The following LRP2 variants were observed in gnomAD, a reference collection of about 807,000 sequenced individuals.
LRP2 encodes the protein LDL receptor related protein 2.
A neutral mutation model predicts 531.0 loss-of-function variants in LRP2; 172 were observed. The observed-to-expected ratio is 0.32, with a 90% CI of 0.29 to 0.37. The LOEUF is 0.37. Among genes scored for constraint, LRP2 ranks in the 10% least tolerant of loss-of-function variants. The pLI is 1.00. For synonymous variants in LRP2, 1,992 were observed against 2,027.6 expected (o/e 0.98, Z 0.47); for missense variants, 5,167 against 5,868.3 (o/e 0.88, Z 3.90).
chr2:169,205,036 CT>C (rs59405840), intron 41 of LRP2, among the ~76,000 whole-genome samples: 324 of 140,944 alleles, frequency 2.3e-3, no homozygotes, highest in East Asian at 4.1e-3. Context: ...AAAGAATTTT[CT>C]TTTTTTTTTT....
chr2:169,235,579 C>G (rs1341021816), intron 29 of LRP2, among the ~76,000 whole-genome samples: 1 of 152,156 alleles, frequency 6.6e-6, no homozygotes, highest in Non-Finnish European at 1.5e-5. Flanking sequence ...AACAGATTCA[C>G]ATCTGCAGCT....
intron 1 of LRP2, among the ~76,000 whole-genome samples, chr2:169,355,703 G>T (rs1685969415): frequency 6.6e-6 from 1 of 152,212 alleles, no homozygotes; most frequent in Non-Finnish European, 1.5e-5. Context: ...CATCAAAGGA[G>T]AACATGTTTA....
chr2:169,226,448 G>C lies in LRP2; in HGVS notation c.5368C>G (p.Gln1790Glu), dbSNP rs1420786262. 6.2e-7 allele frequency: 1 copy of C among 1,613,476 alleles called. No individual in the cohort carries two copies. Among genetic ancestry groups the C allele is most frequent in the East Asian group, 2.2e-5 (1 of 44,860 alleles). The change falls in exon 32 of 79, where the codon CAA becomes GAA. Residue 1790 changes from glutamine to glutamate, a missense_variant. By Grantham distance (29) the Gln-to-Glu change is conservative (BLOSUM62 2). This residue lies in a region of LRP2 where 2,811 missense variants were observed against 3,058.0 expected (regional missense o/e 0.92). Coordinates refer to ENST00000649046, the MANE Select transcript of LRP2 (RefSeq NM_004525.3). Reference protein sequence around the residue: ...GLDVEFDDAEQYIYWVENPGE... With the variant: ...GLDVEFDDAEEYIYWVENPGE... ...GGATTTTCAACCCAATAGATGTATTGCTCAGCATCATCAAATTCAACATCT... is the reference window on the plus strand; with the variant it reads ...GGATTTTCAACCCAATAGATGTATTCCTCAGCATCATCAAATTCAACATCT...
At chr2:169,318,995 G>A (rs1684841551) in intron 2 of LRP2, 111 bp from the exon 3 acceptor site, 1 of 1,368,452 alleles carries the variant, frequency 7.3e-7, no homozygotes, top group South Asian at 1.2e-5. Flanking sequence ...CAATTTATTT[G>A]AAGGCAAATA....
At position 169,128,508 on chromosome 2, in the gene LRP2, A is replaced by C; in HGVS notation, c.*155T>G. 1 of 672,574 alleles carries C rather than the reference A, an allele frequency of 1.5e-6. No homozygotes were observed. 41.7% of individuals were successfully genotyped at this position (672,574 alleles called of 1,614,324 possible). ...ATTTGTAAAAATATGAGACGGCATA[A>C]GTAAAAAAAGACACACAGGATACCT... On this transcript the variant is annotated 3_prime_UTR_variant, in exon 79 of 79. Transcript: ENST00000649046.
chr2:169,209,386 A>C, intron 38 of LRP2, 67 bp downstream of exon 38: 1 of 1,526,326 alleles, frequency 6.6e-7, no homozygotes, highest in Non-Finnish European at 9.1e-7. Flanking sequence ...AGTTAGGCTA[A>C]ACTTTCTAGC....
chr2:169,286,319 C>T (rs1683857108), intron 9 of LRP2, among the ~76,000 whole-genome samples: 1 of 152,154 alleles, frequency 6.6e-6, no homozygotes, highest in South Asian at 2.1e-4. Flanking sequence ...ACTAAAGTCC[C>T]AGAAACGCGC....
intron 1 of LRP2, among the ~76,000 whole-genome samples, chr2:169,356,077 A>G (rs1240006323): frequency 6.6e-6 from 1 of 152,106 alleles, no homozygotes; most frequent in Non-Finnish European, 1.5e-5. Context: ...TTTTTTGTAG[A>G]GATGGAGTCT....
At position 169,173,233 on chromosome 2, in the gene LRP2, G is replaced by A; in HGVS notation, c.11015-9C>T. The A allele has an allele frequency of 6.2e-7, 1 of 1,614,076 alleles. No homozygotes were observed. The highest frequency in any genetic ancestry group is 8.5e-7 in the Non-Finnish European group (1 of 1,180,006). ...GAGATGGGCAGAGCTCACTGAAAAG[G>A]GAGGAGGCATCAAAGTCAGAACTGA... On this transcript the variant is annotated splice_polypyrimidine_tract_variant and intron_variant, in intron 56 of 78. Coordinates refer to ENST00000649046, the MANE Select transcript of LRP2 (RefSeq NM_004525.3).
chr2:169,155,094 T>C (rs1384048965), intron 65 of LRP2, among the ~76,000 whole-genome samples: 1 of 152,222 alleles, frequency 6.6e-6, no homozygotes, highest in Non-Finnish European at 1.5e-5. Flanking sequence ...ATTTAGCTCC[T>C]AGCTAATGAC....
At position 169,279,496 on chromosome 2, in the gene LRP2, T is replaced by C. The variant is rs1358910118; in HGVS notation, c.1441A>G (p.Ile481Val). The C allele has an allele frequency of 6.2e-7, 1 of 1,613,780 alleles. No homozygotes were observed. The highest frequency in any genetic ancestry group is 2.2e-5 in the East Asian group (1 of 44,864). The part of the protein sequence containing the change: ...NLAVDWVNNK[I>V]YLVETKVNRI... ...TTGACCTTGGTTTCCACTAGATAGA[T>C]TTTATTATTAACCCAGTCCACAGCC... is the stretch of plus-strand genomic sequence containing the variant. Residue 481 changes from isoleucine (I) to valine (V), a missense_variant, in exon 12 of 79, where the codon ATC (isoleucine) becomes GTC (valine). Physicochemically the swap from Ile to Val is conservative, Grantham distance 29. Around this residue, in one of 6 missense-constraint regions of LRP2, gnomAD observed 2,811 missense variants for 3,058.0 expected, o/e 0.92. Coordinates refer to ENST00000649046, the MANE Select transcript of LRP2 (RefSeq NM_004525.3).
At chr2:169,141,366 G>A (rs2268378) in intron 71 of LRP2, among the ~76,000 whole-genome samples, 99,429 of 151,892 alleles carry the variant, frequency 0.65, 34,352 homozygotes, top group South Asian at 0.79. Context: ...GAACTACCAT[G>A]TATTTATTGA....
chr2:169,257,473 T>G (rs553259261), intron 17 of LRP2, among the ~76,000 whole-genome samples: 42 of 152,248 alleles, frequency 2.8e-4, no homozygotes, highest in African/African-American at 9.9e-4. Context: ...AAATGGGCAT[T>G]GAGAGAAGAG....
intron 1 of LRP2, among the ~76,000 whole-genome samples, chr2:169,360,128 C>CAAAAAAAAAAAAAAAAAAAAAAAAAAAAA (rs67818940): frequency 1.0e-4 from 11 of 105,030 alleles, no homozygotes; most frequent in African/African-American, 4.6e-4. Context: ...CTGTCTCTCT[C>CAAAAAAAAAAAAAAAAAAAAAAAAAAAAA]AAAAAAAAAA....
intron 1 of LRP2, among the ~76,000 whole-genome samples, chr2:169,348,811 G>A (rs1685764719): frequency 6.6e-6 from 1 of 152,146 alleles, no homozygotes; most frequent in South Asian, 2.1e-4. Context: ...GGGAGTGGGA[G>A]GCACTGGGGT....
chr2:169,310,536 T>A (rs1684564236), intron 3 of LRP2, among the ~76,000 whole-genome samples: 2 of 152,222 alleles, frequency 1.3e-5, no homozygotes, highest in African/African-American at 4.8e-5. Context: ...CAGCCTTGCA[T>A]CCCAGGGATG....
At chr2:169,323,703 G>C (rs543707711) in intron 1 of LRP2, among the ~76,000 whole-genome samples, 3 of 149,484 alleles carry the variant, frequency 2.0e-5, no homozygotes, top group East Asian at 3.9e-4. Flanking sequence ...AATCTACATA[G>C]AACCAGCTTT....
At chr2:169,203,912 C>T in intron 42 of LRP2, 70 bp downstream of exon 42, 1 of 1,544,986 alleles carries the variant, frequency 6.5e-7, no homozygotes, top group South Asian at 1.1e-5. Context: ...GTGAGAACTT[C>T]AGCTTTCCTT....
At chr2:169,310,108 T>C (rs918313493) in intron 3 of LRP2, among the ~76,000 whole-genome samples, 1 of 152,208 alleles carries the variant, frequency 6.6e-6, no homozygotes, top group Non-Finnish European at 1.5e-5. Flanking sequence ...GCTTATCAGC[T>C]TAAGGAGATT....
Sources: allele counts gnomAD v4.1 joint callset (sites outside exome capture counted in the v4.1 genomes callset), GRCh38; gene constraint gnomAD v4.1.1; regional missense constraint gnomAD v4.1.1; transcripts MANE v1.5; gene names NCBI Gene and HGNC (gene_info 2026-07-23, HGNC 2026-07-21).